Variants in EDNRB observed in about 807,000 individuals in gnomAD.
EDNRB encodes endothelin receptor type B, also known as Hirschsprung disease 2.
Under a neutral mutation model 46.4 loss-of-function variants are expected in EDNRB, and 18 were observed. The ratio of observed to expected loss-of-function variants is 0.39; its 90% CI spans 0.27 to 0.57. The LOEUF (loss-of-function observed/expected upper bound fraction) is 0.57. Ranked by LOEUF, EDNRB falls within the 20% of genes least tolerant of loss-of-function variation. EDNRB has a pLI of 0.61. For missense variants in EDNRB, 434 were observed against 537.5 expected (o/e 0.81, Z 1.90); for synonymous variants, 213 against 204.9 (o/e 1.04, Z -0.34).
intron 1 of EDNRB, among the ~76,000 whole-genome samples, chr13:77,967,829 C>A (rs1881623298): frequency 6.6e-6 from 1 of 152,144 alleles, no homozygotes; most frequent in Non-Finnish European, 1.5e-5. Context: ...TTTGATACTG[C>A]AGTCTGAACC....
chr13:77,940,858 A>G (rs1377144114), intron 1 of EDNRB, among the ~76,000 whole-genome samples: 1 of 152,174 alleles, frequency 6.6e-6, no homozygotes, highest in Non-Finnish European at 1.5e-5. Flanking sequence ...CGTATAATTT[A>G]TGATTCAGAA....
upstream of EDNRB, chr13:77,918,944 G>T (rs1041254851): frequency 3.7e-5 from 42 of 1,145,236 alleles, no homozygotes; most frequent in Non-Finnish European, 4.2e-5. This position sits in a 1 kb window ranked among gnomAD's most constrained non-coding sequence, Gnocchi z 4.5. Context: ...ACTCTTTCAC[G>T]TAACGGGAGG....
At chr13:77,924,383 T>C (rs1305232402), upstream of EDNRB, among the ~76,000 whole-genome samples, 3 of 152,150 alleles carry the variant, frequency 2.0e-5, no homozygotes, top group African/African-American at 7.2e-5. Flanking sequence ...CACAGGCGAC[T>C]TACTTCTTAT....
chr13:77,933,367 G>A (rs1880457911), intron 1 of EDNRB, among the ~76,000 whole-genome samples: 2 of 152,072 alleles, frequency 1.3e-5, no homozygotes, highest in Admixed American at 1.3e-4. Context: ...GATTTGGGTA[G>A]GTAAAGGAAA....
chr13:77,910,551 A>G (rs1415037965), intron 1 of EDNRB, among the ~76,000 whole-genome samples: 2 of 151,972 alleles, frequency 1.3e-5, no homozygotes, highest in Non-Finnish European at 2.9e-5. Context: ...GCATGGAAAT[A>G]TTTTCTTCTT....
intron 1 of EDNRB, among the ~76,000 whole-genome samples, chr13:77,938,394 A>G (rs1457831025): frequency 2.0e-5 from 3 of 151,542 alleles, no homozygotes; most frequent in Middle Eastern, 3.2e-3. Context: ...CCCCCAGAAA[A>G]GCAGAGAAGG....
In EDNRB at chr13:77,930,109, C is replaced by CT. The variant is rs113260662; in HGVS notation, c.-51-11486dup. Among the ~76,000 whole-genome samples the CT allele has an allele frequency of 1.5e-4, 22 of 151,010 alleles. 1 individual carries two copies. The highest frequency in any genetic ancestry group is 4.2e-4 in the South Asian group (2 of 4,782). Reference sequence around the variant, plus strand: ...GGCATTGGTGGTTATGTTGGATTGCCTTTTTTTTTGATGATCAACTATACG... The same window carrying CT: ...GGCATTGGTGGTTATGTTGGATTGCCTTTTTTTTTTGATGATCAACTATACG... On this transcript the variant is annotated intron_variant, in intron 1 of 7. Coordinates refer to the EDNRB transcript ENST00000646948.
intron 1 of EDNRB, among the ~76,000 whole-genome samples, chr13:77,934,684 G>T (rs923382108): frequency 1.4e-4 from 21 of 150,872 alleles, no homozygotes; most frequent in Non-Finnish European, 2.1e-4. Flanking sequence ...AGGAAAGGGG[G>T]GGGGGGGCCT....
intron 1 of EDNRB, among the ~76,000 whole-genome samples, chr13:77,933,605 A>G (rs1417268579): frequency 3.3e-5 from 5 of 152,262 alleles, no homozygotes; most frequent in South Asian, 2.1e-4. Flanking sequence ...GGGATATGAT[A>G]GCTTAGCTTG....
chr13:77,931,330 A>AT (rs989785772), intron 1 of EDNRB, among the ~76,000 whole-genome samples: 20 of 151,680 alleles, frequency 1.3e-4, no homozygotes, highest in Non-Finnish European at 1.5e-4. Flanking sequence ...GAAGTCAAGT[A>AT]TTTTTTTTTA....
rs1443122104 is a variant in EDNRB at position 77,897,674 on chromosome 13, A to G, written c.*526T>C. The G allele has an allele frequency of 2.0e-6, 2 of 986,836 alleles. No individual in the cohort carries two copies. Among genetic ancestry groups the G allele is most frequent in the Non-Finnish European group, 1.2e-6 (1 of 831,122 alleles). The allele number at this position is 986,836 out of a possible 1,614,324, so 61.1% of individuals were successfully genotyped here. On this transcript the variant is annotated 3_prime_UTR_variant, in exon 7 of 7. Transcript: ENST00000646607. ...TTTCCAGTGTCCGAAAAATGCAACA[A>G]CTAAACTGCTCTCTCATTTGCATCT... is the stretch of plus-strand genomic sequence containing the variant.
chr13:77,902,244 AC>A (rs1263908519), intron 3 of EDNRB, among the ~76,000 whole-genome samples: 2 of 151,938 alleles, frequency 1.3e-5, no homozygotes, highest in Non-Finnish European at 2.9e-5. Context: ...TCTGACAACT[AC>A]TGGGCTATCT....
intron 1 of EDNRB, among the ~76,000 whole-genome samples, chr13:77,938,234 G>A (rs1259673771): frequency 6.6e-6 from 1 of 152,030 alleles, no homozygotes; most frequent in Non-Finnish European, 1.5e-5. Context: ...AGGGTCCGGG[G>A]GTTCTTACCC....
chr13:77,971,976 T>C (rs981372962), intron 1 of EDNRB, among the ~76,000 whole-genome samples: 1 of 152,188 alleles, frequency 6.6e-6, no homozygotes, highest in African/African-American at 2.4e-5. Context: ...GGCTGACTGA[T>C]TGATAAGCTC....
chr13:77,904,828 T>G (rs1344247946), intron 1 of EDNRB, among the ~76,000 whole-genome samples: 1 of 151,992 alleles, frequency 6.6e-6, no homozygotes, highest in Admixed American at 6.6e-5. Flanking sequence ...AAAAATAGTT[T>G]GAAAAACAAC....
chr13:77,940,698 T>TGG (rs1274588517), intron 1 of EDNRB, among the ~76,000 whole-genome samples: 1 of 132,078 alleles, frequency 7.6e-6, no homozygotes, highest in African/African-American at 2.9e-5. Flanking sequence ...AAAGATGAAT[T>TGG]GGGTGTGTGT....
At chr13:77,915,154 A>T (rs1594370829) in intron 1 of EDNRB, among the ~76,000 whole-genome samples, 1 of 152,206 alleles carries the variant, frequency 6.6e-6, no homozygotes, top group Non-Finnish European at 1.5e-5. Flanking sequence ...TTCTAAATGC[A>T]TTAAAAAAAC....
intron 1 of EDNRB, among the ~76,000 whole-genome samples, chr13:77,942,620 C>A (rs897107680): frequency 6.6e-6 from 1 of 152,058 alleles, no homozygotes; most frequent in Non-Finnish European, 1.5e-5. Context: ...AAATAAAGGC[C>A]AATTGGCAAT....
intron 1 of EDNRB, among the ~76,000 whole-genome samples, chr13:77,938,832 C>G (rs1010291695): frequency 9.2e-5 from 14 of 152,100 alleles, no homozygotes; most frequent in Admixed American, 9.2e-4. Flanking sequence ...GGCCACTTAC[C>G]CGATTTAAAA....
Sources: gnomAD v4.1 joint callset for allele counts (sites outside exome capture counted in the v4.1 genomes callset) on GRCh38, gnomAD v4.1.1 for gene constraint, Gnocchi (gnomAD v3.1) non-coding constraint, MANE v1.5 for transcripts, NCBI Gene and HGNC (gene_info 2026-07-23, HGNC 2026-07-21) for gene names.